SFMBT1: variants seen among roughly 807,000 people sequenced by gnomAD.
SFMBT1 encodes the protein scm-like with four MBT domains protein 1.
Under a neutral mutation model 108.7 loss-of-function variants are expected in SFMBT1, and 32 were observed. The observed-to-expected ratio is 0.29, with a 90% confidence interval of 0.22 to 0.40. SFMBT1 has a LOEUF of 0.40. Ranked by LOEUF, SFMBT1 falls within the 10% of genes least tolerant of loss-of-function variation. The probability of loss-of-function intolerance (pLI) is 1.00; values close to 1 mark genes in which losing one functional copy is unlikely to be tolerated. For missense variants in SFMBT1, 816 were observed against 1,059.6 expected, an observed-to-expected ratio of 0.77 and a Z score of 3.19; for synonymous variants, 348 against 369.5, an observed-to-expected ratio of 0.94 and a Z score of 0.67.
chr3:52,975,629 T>C (rs1386752263), intron 1 of SFMBT1, among the ~76,000 whole-genome samples: 3 of 152,146 alleles, frequency 2.0e-5, no homozygotes, highest in African/African-American at 7.2e-5. Flanking sequence ...TTTGAGACAG[T>C]CTACTTCTGT....
chr3:52,945,846 C>A (rs1266863301), intron 3 of SFMBT1, among the ~76,000 whole-genome samples: 1 of 151,470 alleles, frequency 6.6e-6, no homozygotes, highest in African/African-American at 2.4e-5. Flanking sequence ...ATAAACATTG[C>A]AGGCAAGAAT....
intron 1 of SFMBT1, chr3:53,045,132 C>T (rs1333904046): frequency 2.6e-5 from 4 of 151,718 alleles, no homozygotes; most frequent in Admixed American, 6.6e-5. Flanking sequence ...GCTGCCGGGT[C>T]GGCGCGGGGT....
chr3:53,022,975 T>A (rs58249114), intron 1 of SFMBT1, among the ~76,000 whole-genome samples: 4,653 of 152,300 alleles, frequency 0.031, 277 homozygotes, highest in African/African-American at 0.11. Flanking sequence ...ATGCTAAATT[T>A]TATTTTGCCA....
intron 1 of SFMBT1, among the ~76,000 whole-genome samples, chr3:53,041,905 A>G (rs1033600397): frequency 6.6e-5 from 10 of 152,084 alleles, no homozygotes; most frequent in African/African-American, 2.4e-4. Context: ...AAAATATCCC[A>G]GTTAGGTAAC....
intron 4 of SFMBT1, among the ~76,000 whole-genome samples, chr3:52,936,285 G>T (rs750440805): frequency 3.9e-5 from 6 of 152,118 alleles, no homozygotes; most frequent in Non-Finnish European, 8.8e-5. Flanking sequence ...ATTATGCTGA[G>T]GTAGATTTCA....
At chr3:52,959,118 G>A (rs1271294891) in intron 2 of SFMBT1, among the ~76,000 whole-genome samples, 1 of 151,498 alleles carries the variant, frequency 6.6e-6, no homozygotes, top group Non-Finnish European at 1.5e-5. Context: ...ATACATTGGG[G>A]CCTGTCAAGG....
chr3:52,986,865 G>A lies in SFMBT1; in HGVS notation c.-130-17607C>T, dbSNP rs868354812. Among the ~76,000 whole-genome samples the A allele has an allele frequency of 4.0e-4, 61 of 152,036 alleles. No individual in the cohort carries two copies. The South Asian group carries it at 0.011, about 28-fold the overall frequency. On this transcript the variant is annotated intron_variant, in intron 1 of 20. Coordinates refer to ENST00000394752, the MANE Select transcript of SFMBT1 (RefSeq NM_016329.4). ...TGAGGCAGGAGAATCGCTTGAACCC[G>A]GGAGGTGGAGGTTGCAGTGAGCCGA...
At chr3:52,936,593 G>A (rs1018982347) in intron 4 of SFMBT1, among the ~76,000 whole-genome samples, 1 of 152,158 alleles carries the variant, frequency 6.6e-6, no homozygotes, top group Non-Finnish European at 1.5e-5. Context: ...TTTTTGGTAT[G>A]ACAAGATGTT....
At chr3:52,915,564 G>A (rs555258153) in intron 14 of SFMBT1, among the ~76,000 whole-genome samples, 1 of 152,234 alleles carries the variant, frequency 6.6e-6, no homozygotes, top group South Asian at 2.1e-4. Context: ...CGCAATCTGT[G>A]CTAGAATACA....
intron 11 of SFMBT1, among the ~76,000 whole-genome samples, chr3:52,921,247 T>C (rs1304814384): frequency 6.6e-6 from 1 of 152,216 alleles, no homozygotes; most frequent in African/African-American, 2.4e-5. Context: ...ATGGTAACCG[T>C]AGCACTGAGT....
intron 3 of SFMBT1, among the ~76,000 whole-genome samples, chr3:52,951,874 T>A (rs1703606550): frequency 1.3e-5 from 2 of 152,170 alleles, no homozygotes; most frequent in Admixed American, 1.3e-4. Flanking sequence ...GCTGCAGAGA[T>A]TTTATTTATG....
chr3:52,995,565 T>A (rs1053436401), intron 1 of SFMBT1, among the ~76,000 whole-genome samples: 1 of 149,834 alleles, frequency 6.7e-6, no homozygotes, highest in Non-Finnish European at 1.5e-5. Context: ...TAACTTTGTT[T>A]ATGTTTTGTA....
chr3:53,045,666 C>T (rs1338204053), intron 1 of SFMBT1, 150 bp downstream of exon 1: 1 of 140,512 alleles, frequency 7.1e-6, no homozygotes, highest in Non-Finnish European at 1.6e-5. Flanking sequence ...GCGCCTCAGC[C>T]CGCGCGCCCG....
At chr3:52,910,740 C>T (rs911768348) in intron 17 of SFMBT1, among the ~76,000 whole-genome samples, 7 of 152,244 alleles carry the variant, frequency 4.6e-5, no homozygotes, top group East Asian at 1.9e-4. Flanking sequence ...CCGCCTGCCT[C>T]GGCCTCCCAA....
chr3:52,947,237 C>T (rs867745155), intron 3 of SFMBT1, among the ~76,000 whole-genome samples: 24 of 152,042 alleles, frequency 1.6e-4, no homozygotes, highest in African/African-American at 5.8e-4. Flanking sequence ...CCTGCCTCAG[C>T]CTCCCAAATA....
intron 4 of SFMBT1, among the ~76,000 whole-genome samples, chr3:52,943,049 G>A (rs1351134074): frequency 2.0e-5 from 3 of 152,098 alleles, no homozygotes; most frequent in Admixed American, 6.5e-5. Context: ...CTGGCCCAAC[G>A]GGCTTAAAAA....
intron 2 of SFMBT1, among the ~76,000 whole-genome samples, chr3:52,959,697 T>C (rs901974980): frequency 6.6e-6 from 1 of 152,218 alleles, no homozygotes; most frequent in Admixed American, 6.5e-5. Flanking sequence ...TTCATTCCTA[T>C]TGACAATATA....
At chr3:53,014,195 T>C (rs573610848) in intron 1 of SFMBT1, among the ~76,000 whole-genome samples, 14 of 152,326 alleles carry the variant, frequency 9.2e-5, no homozygotes, top group Non-Finnish European at 1.6e-4. Flanking sequence ...AAAAATAAAA[T>C]ATTTACATGT....
chr3:53,022,444 T>C (rs1330755832), intron 1 of SFMBT1, among the ~76,000 whole-genome samples: 1 of 127,304 alleles, frequency 7.9e-6, no homozygotes, highest in Non-Finnish European at 1.6e-5. Flanking sequence ...GGTGAGGTGC[T>C]GTCTCAAAAA....
Sources: gnomAD v4.1 joint callset for allele counts (sites outside exome capture counted in the v4.1 genomes callset) on GRCh38, gnomAD v4.1.1 for gene constraint, MANE v1.5 for transcripts, NCBI Gene and HGNC (gene_info 2026-07-23, HGNC 2026-07-21) for gene names.